RNF169: variants seen among roughly 807,000 people sequenced by gnomAD.
RNF169 encodes ring finger protein 169, also known as E3 ubiquitin-protein ligase RNF169.
Under a neutral mutation model 53.9 loss-of-function variants are expected in RNF169, and 24 were observed. The observed-to-expected ratio is 0.45, with a 90% CI of 0.32 to 0.63. The LOEUF is 0.63. Ranked by LOEUF, RNF169 falls within the 20% of genes least tolerant of loss-of-function variation. The probability of loss-of-function intolerance (pLI) is 0.04; values close to 1 mark genes in which losing one functional copy is unlikely to be tolerated. For synonymous variants in RNF169, 396 were observed against 363.5 expected (o/e 1.09, Z -1.02); for missense variants, 883 against 906.2 (o/e 0.97, Z 0.33).
At chr11:74,785,856 A>G (rs1338087745) in intron 1 of RNF169, among the ~76,000 whole-genome samples, 1 of 152,048 alleles carries the variant, frequency 6.6e-6, no homozygotes, top group Non-Finnish European at 1.5e-5. Flanking sequence ...ATGAACTTTG[A>G]GATTTCTTAA....
intron 4 of RNF169, among the ~76,000 whole-genome samples, chr11:74,828,451 A>G (rs1166665658): frequency 2.0e-5 from 3 of 152,250 alleles, no homozygotes; most frequent in Non-Finnish European, 4.4e-5. Context: ...ACTACCATTG[A>G]CATTCTTCAC....
intron 1 of RNF169, among the ~76,000 whole-genome samples, chr11:74,772,360 A>C (rs77252273): frequency 3.3e-4 from 50 of 152,144 alleles, no homozygotes; most frequent in Non-Finnish European, 6.2e-4. Flanking sequence ...AGTAAATACT[A>C]CAACCACACA....
intron 1 of RNF169, among the ~76,000 whole-genome samples, chr11:74,766,809 T>C (rs929870244): frequency 5.3e-5 from 8 of 152,216 alleles, no homozygotes; most frequent in Admixed American, 1.3e-4. Context: ...CACAGATGGT[T>C]TTATGGGTTA....
intron 3 of RNF169, among the ~76,000 whole-genome samples, chr11:74,811,226 T>C (rs2035871623): frequency 1.3e-5 from 2 of 152,086 alleles, no homozygotes; most frequent in Admixed American, 6.5e-5. Flanking sequence ...CTTAATTTCT[T>C]TGTGCTTCTG....
Position 74,789,713 on chromosome 11 carries a change from A to AC in RNF169, c.576+14_576+15insC. 3 of 1,498,348 alleles carry AC rather than the reference A, an allele frequency of 2.0e-6. No individual in the cohort carries two copies. The highest frequency in any genetic ancestry group is 1.7e-5 in the Admixed American group (1 of 57,280). The allele number at this position is 1,498,348 out of a possible 1,614,324, so 92.8% of individuals were successfully genotyped here. The stretch of plus-strand genomic sequence containing the variant: ...AGCTTGAGAAAGGTATAGTATTATC[A>AC]TGTCATTCATTTTCTTAAAGTAGAT... On this transcript the variant is annotated intron_variant, in intron 2 of 5. Transcript: ENST00000299563.
In RNF169 at chr11:74,840,850, GT is replaced by G. The variant is rs2036417100; in HGVS notation, c.*4124del. ...ATCCAGTGCCCTATTTTATAGTGTGGTTTTCCAGGGTCTGAATAAATAATCA... is the reference window on the plus strand; with the variant it reads ...ATCCAGTGCCCTATTTTATAGTGTGGTTTCCAGGGTCTGAATAAATAATCA... On this transcript the variant is annotated 3_prime_UTR_variant, in exon 6 of 6. Transcript: ENST00000299563. 7.2e-6 allele frequency: 1 copy of G among 138,074 alleles called. No individual in the cohort carries two copies. The allele number at this position is 138,074 out of a possible 1,614,324, so 8.6% of individuals were successfully genotyped here.
chr11:74,794,809 T>C (rs988706893), intron 2 of RNF169, among the ~76,000 whole-genome samples: 1 of 152,140 alleles, frequency 6.6e-6, no homozygotes, highest in Admixed American at 6.5e-5. Context: ...CTAGGTTGTT[T>C]GTTTGAAGAG....
At chr11:74,807,824 G>C (rs1220836662) in intron 2 of RNF169, 1 of 152,088 alleles carries the variant, frequency 6.6e-6, no homozygotes, top group African/African-American at 2.4e-5. Context: ...CTCTTCTAGA[G>C]ACCAAGTTCT....
In RNF169 at chr11:74,834,798, C is replaced by T. The variant is rs757526633; in HGVS notation, c.942+23C>T. 35 of 1,556,690 alleles carry T rather than the reference C, an allele frequency of 2.2e-5. No individual in the cohort carries two copies. The South Asian group carries it at 2.9e-4, about 13-fold the overall frequency. On this transcript the variant is annotated intron_variant, in intron 5 of 5. Transcript: ENST00000299563. ...AAGGTACACCTCAGCCACAGACCTC[C>T]GGGGCTTGTGAGGCTTGCCCCATCA...
rs1488379290 is a variant in RNF169 at position 74,749,357 on chromosome 11, G to A, written c.477G>A (p.Glu159=). 1 of 1,234,666 alleles carries A rather than the reference G, an allele frequency of 8.1e-7. No homozygotes were observed. Among genetic ancestry groups the A allele is most frequent in the African/African-American group, 1.5e-5 (1 of 64,760 alleles). The allele number at this position is 1,234,666 out of a possible 1,614,324, so 76.5% of individuals were successfully genotyped here. A position where few individuals can be genotyped will look rare whatever the true frequency, so the allele number is the denominator to read the frequency against. The part of the protein sequence containing the change: ...AAAAGPRPEQ[E]PRAAPAEPDF... ...CCGCGGGGCCCAGGCCAGAGCAGGAGCCGCGTGCCGCGCCTGCGGAGCCAG... is the reference window on the plus strand; with the variant it reads ...CCGCGGGGCCCAGGCCAGAGCAGGAACCGCGTGCCGCGCCTGCGGAGCCAG... Residue 159 remains glutamate (E), a synonymous_variant, in exon 1 of 6, where the codon GAG becomes GAA. Coordinates refer to ENST00000299563, the MANE Select transcript of RNF169 (RefSeq NM_001098638.2).
Position 74,840,958 on chromosome 11 carries a change from T to G in RNF169, c.*4228T>G, listed in dbSNP as rs1310384121. ...TTAGGAGGTTATTTTATTTTAATAGTTTTTTCTTCCTGATTTTTTTCAGTT... is the reference window on the plus strand; with the variant it reads ...TTAGGAGGTTATTTTATTTTAATAGGTTTTTCTTCCTGATTTTTTTCAGTT... On this transcript the variant is annotated 3_prime_UTR_variant, in exon 6 of 6. Transcript: ENST00000299563. 1 of 152,110 alleles carries G rather than the reference T, an allele frequency of 6.6e-6. No individual in the cohort carries two copies. The highest frequency in any genetic ancestry group is 2.4e-5 in the African/African-American group (1 of 41,428). The allele number at this position is 152,110 out of a possible 1,614,324, so 9.4% of individuals were successfully genotyped here.
chr11:74,774,738 T>C (rs918694213), intron 1 of RNF169, among the ~76,000 whole-genome samples: 4 of 152,252 alleles, frequency 2.6e-5, no homozygotes, highest in Admixed American at 2.6e-4. Flanking sequence ...GCGGATCACT[T>C]GAGGTCAGGA....
intron 1 of RNF169, among the ~76,000 whole-genome samples, chr11:74,769,316 T>C (rs745492361): frequency 2.0e-5 from 3 of 152,212 alleles, no homozygotes; most frequent in Admixed American, 6.6e-5. Context: ...ACCAGTGATA[T>C]GCCATCAGAC....
chr11:74,806,034 TAC>T (rs914051649), intron 2 of RNF169, among the ~76,000 whole-genome samples: 1 of 151,974 alleles, frequency 6.6e-6, no homozygotes, highest in Admixed American at 6.6e-5. Flanking sequence ...TGTATATATA[TAC>T]ACACACACGT....
chr11:74,805,191 C>A (rs893187246), intron 2 of RNF169, among the ~76,000 whole-genome samples: 1 of 152,220 alleles, frequency 6.6e-6, no homozygotes, highest in Non-Finnish European at 1.5e-5. Context: ...TGGGTTATAT[C>A]TTATCCGTAT....
intron 1 of RNF169, among the ~76,000 whole-genome samples, chr11:74,763,402 AT>A (rs2035120761): frequency 1.3e-5 from 2 of 152,220 alleles, no homozygotes; most frequent in African/African-American, 2.4e-5. Flanking sequence ...AAGAACTCGG[AT>A]AAGAGAGTGA....
At chr11:74,788,388 A>G (rs914258313) in intron 1 of RNF169, among the ~76,000 whole-genome samples, 1 of 151,720 alleles carries the variant, frequency 6.6e-6, no homozygotes, top group Non-Finnish European at 1.5e-5. Flanking sequence ...TGCCCGATCC[A>G]TTTTGTTTTG....
chr11:74,758,691 A>G (rs184953751), intron 1 of RNF169, among the ~76,000 whole-genome samples: 3,612 of 152,060 alleles, frequency 0.024, 120 homozygotes, highest in African/African-American at 0.083. Context: ...TTTTTAGTAG[A>G]GACGGGGTTT....
chr11:74,793,397 A>T (rs900463081), intron 2 of RNF169, among the ~76,000 whole-genome samples: 1 of 152,232 alleles, frequency 6.6e-6, no homozygotes, highest in Admixed American at 6.5e-5. Flanking sequence ...TGCTACTAAT[A>T]TACTTTTCAC....
Sources: allele counts gnomAD v4.1 joint callset (sites outside exome capture counted in the v4.1 genomes callset), GRCh38; gene constraint gnomAD v4.1.1; transcripts MANE v1.5; gene names NCBI Gene and HGNC (gene_info 2026-07-23, HGNC 2026-07-21).